Variants in DCLK2 observed in about 807,000 individuals in gnomAD.
The protein encoded by DCLK2 is serine/threonine-protein kinase DCLK2.
Under a neutral mutation model 78.4 loss-of-function variants are expected in DCLK2, and 31 were observed. The observed-to-expected ratio is 0.40, with a 90% confidence interval of 0.30 to 0.53. The LOEUF (loss-of-function observed/expected upper bound fraction) is 0.53. DCLK2 is among the 20% of genes least tolerant of loss of function. The probability of loss-of-function intolerance (pLI) is 0.61; values close to 1 mark genes in which losing one functional copy is unlikely to be tolerated. For missense variants in DCLK2, 872 were observed against 973.7 expected (o/e 0.90, Z 1.39); for synonymous variants, 407 against 374.9 (o/e 1.09, Z -0.99).
intron 2 of DCLK2, among the ~76,000 whole-genome samples, chr4:150,147,303 A>T (rs911900715): frequency 6.6e-6 from 1 of 152,088 alleles, no homozygotes; most frequent in Non-Finnish European, 1.5e-5. Flanking sequence ...GTCTCTAAAA[A>T]ATAAGAAAAC....
At chr4:150,176,494 C>G (rs1737099305) in intron 2 of DCLK2, among the ~76,000 whole-genome samples, 1 of 152,174 alleles carries the variant, frequency 6.6e-6, no homozygotes, top group South Asian at 2.1e-4. Context: ...CTTGCCACAC[C>G]ATGAGAATCC....
intron 2 of DCLK2, among the ~76,000 whole-genome samples, chr4:150,161,784 T>G (rs1048663287): frequency 5.9e-5 from 9 of 152,172 alleles, no homozygotes; most frequent in Admixed American, 2.6e-4. Context: ...AAACTATTAT[T>G]TTAGGGCTGA....
chr4:150,148,618 C>T (rs1734648964), intron 2 of DCLK2, among the ~76,000 whole-genome samples: 1 of 151,688 alleles, frequency 6.6e-6, no homozygotes, highest in African/African-American at 2.4e-5. Context: ...CTTTGATTCA[C>T]CACAAATTTG....
chr4:150,184,726 C>T (rs532286707), intron 2 of DCLK2, among the ~76,000 whole-genome samples: 5 of 151,932 alleles, frequency 3.3e-5, no homozygotes, highest in African/African-American at 7.2e-5. Flanking sequence ...CTTAGCCTCC[C>T]GAGTAGCTGG....
intron 5 of DCLK2, among the ~76,000 whole-genome samples, chr4:150,217,766 A>G (rs1269551519): frequency 6.6e-6 from 1 of 152,098 alleles, no homozygotes; most frequent in Non-Finnish European, 1.5e-5. Flanking sequence ...TTATTTTTTC[A>G]TGCTTTTTTC....
At chr4:150,214,937 G>C (rs917592612) in intron 5 of DCLK2, among the ~76,000 whole-genome samples, 4 of 148,684 alleles carry the variant, frequency 2.7e-5, no homozygotes, top group South Asian at 2.1e-4. Flanking sequence ...ACTCCACCCT[G>C]GGTGACAGAG....
chr4:150,102,678 C>T lies in DCLK2; in HGVS notation c.622C>T (p.Pro208Ser), dbSNP rs1730971271. 1 of 1,613,900 alleles carries T rather than the reference C, an allele frequency of 6.2e-7. No individual in the cohort carries two copies. The part of the protein sequence containing the change: ...LVTVIRSGVK[P>S]RKAVRILLNK... Reference sequence around the variant, plus strand: ...GACTGTGATTCGAAGTGGAGTGAAGCCTAGAAAAGCCGTGCGGATCCTTCT... The same window carrying T: ...GACTGTGATTCGAAGTGGAGTGAAGTCTAGAAAAGCCGTGCGGATCCTTCT... The change falls in exon 2 of 16, where the codon CCT (proline) becomes TCT (serine). Residue 208 changes from proline (P) to serine (S), a missense_variant. Pro to Ser is a moderately conservative substitution (Grantham distance 74). Transcript: ENST00000296550.
At chr4:150,139,335 C>T (rs551892816) in intron 2 of DCLK2, among the ~76,000 whole-genome samples, 4 of 152,314 alleles carry the variant, frequency 2.6e-5, no homozygotes, top group Admixed American at 6.5e-5. Flanking sequence ...AAAATGATCA[C>T]GTCTGAAGTG....
At chr4:150,182,040 T>G (rs755644846) in intron 2 of DCLK2, among the ~76,000 whole-genome samples, 1 of 152,068 alleles carries the variant, frequency 6.6e-6, no homozygotes, top group Admixed American at 6.6e-5. Flanking sequence ...TGTTCATTTT[T>G]TTTTTTAATT....
chr4:150,206,652 G>A (rs1739866025), intron 5 of DCLK2, among the ~76,000 whole-genome samples: 1 of 152,118 alleles, frequency 6.6e-6, no homozygotes, highest in East Asian at 1.9e-4. Context: ...TAAAAGGCTA[G>A]GAAGTCTATT....
intron 15 of DCLK2, chr4:150,253,978 T>A (rs1271592782): frequency 4.5e-6 from 4 of 896,292 alleles, no homozygotes; most frequent in Non-Finnish European, 5.3e-6. Flanking sequence ...AGAAGATAAT[T>A]TAATGGGTGA....
intron 1 of DCLK2, among the ~76,000 whole-genome samples, chr4:150,086,750 C>T (rs1333083129): frequency 2.0e-5 from 3 of 152,082 alleles, no homozygotes. Context: ...TCGTGATCTG[C>T]CTGCTTCAGC....
intron 12 of DCLK2, among the ~76,000 whole-genome samples, chr4:150,246,527 G>C (rs1743323950): frequency 6.6e-6 from 1 of 152,308 alleles, no homozygotes; most frequent in South Asian, 2.1e-4. Context: ...TCCAAGAAAA[G>C]TTTGCACACT....
At position 150,229,926 on chromosome 4, in the gene DCLK2, A is replaced by G. The variant is rs554961861; in HGVS notation, c.1300-2411A>G. The stretch of plus-strand genomic sequence containing the variant: ...ATTTAGTCTAGAGAGCATTTTTTAC[A>G]TATTAGAAACAAAGACTACATACAG... On this transcript the variant is annotated intron_variant, in intron 8 of 15. Transcript: ENST00000296550. Among the ~76,000 whole-genome samples the G allele has an allele frequency of 3.9e-5, 6 of 152,346 alleles. No individual in the cohort carries two copies. In the East Asian group the frequency reaches 5.8e-4, roughly 15 times the overall value.
chr4:150,097,625 G>A (rs1730558637), intron 1 of DCLK2, among the ~76,000 whole-genome samples: 1 of 152,208 alleles, frequency 6.6e-6, no homozygotes, highest in Admixed American at 6.5e-5. Context: ...GTAATGCAAA[G>A]TGTCTTTGAA....
chr4:150,218,877 A>G (rs1009872267), intron 5 of DCLK2, among the ~76,000 whole-genome samples: 2 of 152,310 alleles, frequency 1.3e-5, no homozygotes. Context: ...AACTTTCCAG[A>G]AAAATCATGT....
At chr4:150,255,856 C>T (rs762242588) in intron 15 of DCLK2, among the ~76,000 whole-genome samples, 164 bp from the exon 16 acceptor site, 11 of 152,104 alleles carry the variant, frequency 7.2e-5, no homozygotes, top group Non-Finnish European at 1.3e-4. Flanking sequence ...CCGGTGGGTT[C>T]CCGAAACCAT....
chr4:150,131,503 C>T (rs1267120028), intron 2 of DCLK2, among the ~76,000 whole-genome samples: 1 of 152,046 alleles, frequency 6.6e-6, no homozygotes, highest in Admixed American at 6.5e-5. Context: ...GAAAATGTGA[C>T]GAAGAACTAC....
intron 2 of DCLK2, among the ~76,000 whole-genome samples, chr4:150,168,649 C>T (rs1183936568): frequency 6.6e-6 from 1 of 152,188 alleles, no homozygotes; most frequent in African/African-American, 2.4e-5. Flanking sequence ...GAACCAAGGT[C>T]TGTACTTCTG....
Sources: gnomAD v4.1 joint callset for allele counts (sites outside exome capture counted in the v4.1 genomes callset) on GRCh38, gnomAD v4.1.1 for gene constraint, MANE v1.5 for transcripts, NCBI Gene and HGNC (gene_info 2026-07-23, HGNC 2026-07-21) for gene names.